The following TRAPPC9 variants were observed in gnomAD, a reference collection of about 807,000 sequenced individuals.
TRAPPC9 encodes the protein IKK2 binding protein.
TRAPPC9 carries 83 observed loss-of-function variants against 124.0 expected under a neutral mutation model. The observed-to-expected ratio is 0.67, with a 90% CI of 0.56 to 0.80. The LOEUF is 0.80. TRAPPC9 is among the 30% of genes least tolerant of loss of function. TRAPPC9 has a pLI of 0.00. For missense variants in TRAPPC9, 1,302 were observed against 1,508.3 expected (o/e 0.86, Z 2.27); for synonymous variants, 638 against 617.5 (o/e 1.03, Z -0.49).
intron 9 of TRAPPC9, among the ~76,000 whole-genome samples, chr8:140,328,521 T>G (rs1428600685): frequency 6.6e-6 from 1 of 151,928 alleles, no homozygotes; most frequent in African/African-American, 2.4e-5. Flanking sequence ...CACTCCTAAG[T>G]GGGAGCTAAG....
intron 19 of TRAPPC9, among the ~76,000 whole-genome samples, chr8:139,919,386 T>G (rs1435151600): frequency 6.6e-6 from 1 of 152,182 alleles, no homozygotes; most frequent in African/African-American, 2.4e-5. Context: ...ATAATGCTTT[T>G]GGGAGCAATT....
intron 18 of TRAPPC9, chr8:140,008,546 C>T (rs550906547): frequency 6.6e-5 from 10 of 152,374 alleles, no homozygotes; most frequent in African/African-American, 2.4e-4. Flanking sequence ...ATAACAGCAC[C>T]GTCAAAGAGG....
At chr8:140,076,569 G>A (rs1291544647) in intron 17 of TRAPPC9, among the ~76,000 whole-genome samples, 1 of 152,182 alleles carries the variant, frequency 6.6e-6, no homozygotes, top group Non-Finnish European at 1.5e-5. Flanking sequence ...TGTCCCTCAG[G>A]CCATGGGGCC....
intron 5 of TRAPPC9, among the ~76,000 whole-genome samples, chr8:140,414,478 G>A (rs1003638583): frequency 6.6e-6 from 1 of 152,126 alleles, no homozygotes; most frequent in African/African-American, 2.4e-5. Context: ...AGGCTGCAAT[G>A]AGCCATGATC....
chr8:140,454,534 G>A (rs895191719), intron 1 of TRAPPC9, among the ~76,000 whole-genome samples: 37 of 148,646 alleles, frequency 2.5e-4, no homozygotes, highest in African/African-American at 7.7e-4. Flanking sequence ...CAGCTACTCA[G>A]GAGGCTGAGG....
At chr8:140,312,479 T>A (rs139498550) in intron 9 of TRAPPC9, among the ~76,000 whole-genome samples, 37 of 152,254 alleles carry the variant, frequency 2.4e-4, no homozygotes, top group African/African-American at 8.9e-4. Context: ...TTACTAAGGA[T>A]AAATGCGATA....
chr8:139,734,052 G>A (rs1818003253), intron 21 of TRAPPC9, among the ~76,000 whole-genome samples: 1 of 152,222 alleles, frequency 6.6e-6, no homozygotes, highest in Admixed American at 6.5e-5. Context: ...AGAGGATGGG[G>A]GCAGAGGGGA....
intron 17 of TRAPPC9, among the ~76,000 whole-genome samples, chr8:140,128,984 T>TAC: frequency 7.8e-6 from 1 of 127,734 alleles, no homozygotes. Flanking sequence ...TATATATATA[T>TAC]ATACATATAT....
chr8:140,140,067 G>A (rs1191623800), intron 17 of TRAPPC9, among the ~76,000 whole-genome samples: 2 of 152,192 alleles, frequency 1.3e-5, no homozygotes. Context: ...TGTGTGCAGT[G>A]AGTGGCAAAC....
At chr8:139,947,801 G>C in intron 19 of TRAPPC9, among the ~76,000 whole-genome samples, 1 of 150,246 alleles carries the variant, frequency 6.7e-6, no homozygotes, top group African/African-American at 2.5e-5. Flanking sequence ...CTGGGAGGCA[G>C]AGGTTGCAGT....
intron 9 of TRAPPC9, among the ~76,000 whole-genome samples, chr8:140,348,478 G>A (rs186350401): frequency 2.1e-3 from 318 of 152,014 alleles, no homozygotes; most frequent in African/African-American, 7.5e-3. Context: ...CAATCACAAC[G>A]CTCAAAAAGG....
chr8:140,255,735 A>G (rs1214711100), intron 15 of TRAPPC9, among the ~76,000 whole-genome samples: 1 of 152,128 alleles, frequency 6.6e-6, no homozygotes, highest in Non-Finnish European at 1.5e-5. Context: ...AAAATACAAA[A>G]ATTAGCTGGG....
At chr8:139,839,023 T>C (rs1204721900) in intron 21 of TRAPPC9, among the ~76,000 whole-genome samples, 1 of 152,168 alleles carries the variant, frequency 6.6e-6, no homozygotes, top group Non-Finnish European at 1.5e-5. Context: ...GAAGGCCCTA[T>C]TTAGAAGATG....
intron 21 of TRAPPC9, among the ~76,000 whole-genome samples, chr8:139,885,505 C>T (rs1352484192): frequency 6.6e-6 from 1 of 152,204 alleles, no homozygotes; most frequent in Non-Finnish European, 1.5e-5. Context: ...GTTCTGGAAA[C>T]AGTTGCAGAG....
At chr8:139,791,304 AGGCGCCCGTCTCCCCTG>A (rs1822647566) in intron 21 of TRAPPC9, among the ~76,000 whole-genome samples, 1 of 150,410 alleles carries the variant, frequency 6.6e-6, no homozygotes, top group Non-Finnish European at 1.5e-5. Flanking sequence ...ACTCTCACAC[AGGCGCCCGTCTCCCCTG>A]CACAGACACA....
At chr8:139,750,889 C>T (rs1819269027) in intron 21 of TRAPPC9, among the ~76,000 whole-genome samples, 1 of 152,200 alleles carries the variant, frequency 6.6e-6, no homozygotes, top group African/African-American at 2.4e-5. Flanking sequence ...GGTGGGTCTT[C>T]ACCCTGCTGA....
intron 8 of TRAPPC9, among the ~76,000 whole-genome samples, chr8:140,365,779 AACTTTT>A (rs1206401117): frequency 4.6e-5 from 7 of 152,248 alleles, no homozygotes; most frequent in African/African-American, 1.7e-4. Flanking sequence ...AATTTATTTC[AACTTTT>A]ACTTTAAGTT....
At chr8:140,271,251 T>A (rs754717401) in intron 15 of TRAPPC9, among the ~76,000 whole-genome samples, 1 of 151,956 alleles carries the variant, frequency 6.6e-6, no homozygotes, top group African/African-American at 2.4e-5. Flanking sequence ...AAAAGGAGGG[T>A]GGGTAGGAAA....
In TRAPPC9 at chr8:140,252,901, C is replaced by T; in HGVS notation, c.2307G>A (p.Trp769Ter). The T allele has an allele frequency of 6.2e-7, 1 of 1,614,072 alleles. No individual in the cohort carries two copies. The highest frequency in any genetic ancestry group is 8.5e-7 in the Non-Finnish European group (1 of 1,180,028). Reference sequence around the variant, plus strand: ...ACTGGGCAAGGGTTTCCTCTAGCTTCCAGCTCAAGAAGTCGCCATACAATT... The same window carrying T: ...ACTGGGCAAGGGTTTCCTCTAGCTTTCAGCTCAAGAAGTCGCCATACAATT... ...KEKLYGDFLS[W>*]KLEETLAQFP... Residue 769 changes from tryptophan (W) to a stop codon, truncating the protein, a stop_gained, in exon 16 of 23, where the codon TGG (tryptophan) becomes TGA (stop). Coordinates refer to ENST00000438773, the MANE Select transcript of TRAPPC9 (RefSeq NM_001160372.4). LOFTEE classifies it high-confidence loss of function. The surrounding 1 kb of genome is among the most constrained non-coding windows in gnomAD (Gnocchi z 4.2).
Sources: allele counts gnomAD v4.1 joint callset (sites outside exome capture counted in the v4.1 genomes callset), GRCh38; gene constraint gnomAD v4.1.1; non-coding constraint Gnocchi (gnomAD v3.1); transcripts MANE v1.5; gene names NCBI Gene and HGNC (gene_info 2026-07-23, HGNC 2026-07-21).